SLC35B1: variants seen among roughly 807,000 people sequenced by gnomAD.
SLC35B1 encodes ATP/ADP exchanger ER.
In SLC35B1, 27 loss-of-function variants were observed where a neutral mutation model predicts 36.6. That is an observed-to-expected ratio of 0.74 (90% CI 0.54 to 1.02). The LOEUF (loss-of-function observed/expected upper bound fraction) is 1.02, where lower values mean the gene tolerates loss of function less well. Ranked by LOEUF, SLC35B1 falls within the 50% of genes least tolerant of loss-of-function variation. SLC35B1 has a pLI of 0.00. For synonymous variants in SLC35B1, 162 were observed against 152.5 expected (o/e 1.06, Z -0.46); for missense variants, 321 against 383.2 (o/e 0.84, Z 1.35).
intron 1 of SLC35B1, chr17:49,707,323 G>C (rs1250772069): frequency 1.4e-6 from 2 of 1,443,128 alleles, no homozygotes; most frequent in East Asian, 3.1e-5. Context: ...CATGCAGAAC[G>C]AGATAGTGAA....
chr17:49,705,953 C>T (rs2073410515), intron 3 of SLC35B1, 57 bp from the exon 4 acceptor site: 1 of 1,549,436 alleles, frequency 6.5e-7, no homozygotes, highest in Non-Finnish European at 8.9e-7. Context: ...AGGTACTATG[C>T]TAGGTACCGC....
chr17:49,707,395 T>G (rs753771286), intron 1 of SLC35B1: 5 of 1,432,966 alleles, frequency 3.5e-6, no homozygotes, highest in South Asian at 2.4e-5. Context: ...CGAGGACGAA[T>G]AGGTTGTTTG....
Position 49,705,144 on chromosome 17 carries a change from C to T in SLC35B1, c.508G>A (p.Gly170Ser), listed in dbSNP as rs776417000. 46 of 1,613,980 alleles carry T rather than the reference C, an allele frequency of 2.9e-5. No individual in the cohort carries two copies. Among genetic ancestry groups the T allele is most frequent in the South Asian group, 7.7e-5 (7 of 91,080 alleles). ...KVVGIEEHTV[G>S]YGELLLLLSL... ...CATACCAAGAGTAGCTCTCCATAGCCGACTGTGTGTTCTTCTATCCCAACA... is the reference window on the plus strand; with the variant it reads ...CATACCAAGAGTAGCTCTCCATAGCTGACTGTGTGTTCTTCTATCCCAACA... The change falls in exon 5 of 9, where the codon GGC (glycine) becomes AGC (serine). Residue 170 changes from glycine to serine, a missense_variant. Transcript: ENST00000240333.
At chr17:49,705,823 G>A (rs985053603) in intron 4 of SLC35B1, 43 bp downstream of exon 4, 4 of 1,599,130 alleles carry the variant, frequency 2.5e-6, no homozygotes, top group Non-Finnish European at 3.4e-6. Context: ...GCTTACTATA[G>A]GAAGAGTGAC....
chr17:49,706,162 A>AATGATAT, intron 3 of SLC35B1, 42 bp downstream of exon 3: 1 of 1,560,208 alleles, frequency 6.4e-7, no homozygotes, highest in Non-Finnish European at 8.6e-7. Context: ...GTCCTTTTCA[A>AATGATAT]ATGATATCTG....
chr17:49,705,430 C>T (rs74762389), intron 4 of SLC35B1, 149 bp from the exon 5 acceptor site: 2 of 761,864 alleles, frequency 2.6e-6, no homozygotes, highest in East Asian at 2.7e-5. Flanking sequence ...GGGTGCCAGG[C>T]TGGCACCTAG....
At chr17:49,705,836 C>A in intron 4 of SLC35B1, 30 bp downstream of exon 4, 20 of 1,608,522 alleles carry the variant, frequency 1.2e-5, no homozygotes, top group Non-Finnish European at 1.7e-5. Context: ...AGAGTGACGA[C>A]AGAAGAGGAA....
intron 2 of SLC35B1, 111 bp downstream of exon 2, chr17:49,706,854 G>C: frequency 1.3e-6 from 1 of 754,524 alleles, no homozygotes; most frequent in Non-Finnish European, 2.3e-6. Context: ...AGTACAAAAT[G>C]GGGTGGAGAT....
chr17:49,705,354 G>A (rs1190348798), intron 4 of SLC35B1, 73 bp from the exon 5 acceptor site: 14 of 1,434,536 alleles, frequency 9.8e-6, no homozygotes, highest in Non-Finnish European at 1.3e-5. Context: ...CTCCCTCCCA[G>A]GAACCAAGAA....
At chr17:49,706,873 A>T in intron 2 of SLC35B1, 92 bp downstream of exon 2, 1 of 879,636 alleles carries the variant, frequency 1.1e-6, no homozygotes, top group Non-Finnish European at 1.9e-6. Flanking sequence ...ATCATGAGTT[A>T]GCCTTTAAGG....
chr17:49,701,343 A>C lies in SLC35B1; in HGVS notation c.*115T>G. 1.3e-6 allele frequency: 1 copy of C among 787,896 alleles called. No homozygotes were observed. The highest frequency in any genetic ancestry group is 2.1e-6 in the Non-Finnish European group (1 of 472,992). The allele number at this position is 787,896 out of a possible 1,614,324, so 48.8% of individuals were successfully genotyped here. ...ATGTGATTTTGCTTGATTTTATTTT[A>C]TTAAAAAAGACTGGAACTCAGTCCC... On this transcript the variant is annotated 3_prime_UTR_variant, in exon 9 of 9. Coordinates refer to ENST00000240333, the MANE Select transcript of SLC35B1 (RefSeq NM_005827.4).
At position 49,702,859 on chromosome 17, in the gene SLC35B1, C is replaced by T; in HGVS notation, c.915G>A (p.Leu305=). The T allele has an allele frequency of 1.2e-6, 2 of 1,613,146 alleles. No homozygotes were observed. The highest frequency in any genetic ancestry group is 1.7e-6 in the Non-Finnish European group (2 of 1,179,338). Residue 305 remains leucine (L), a splice_region_variant and synonymous_variant, in exon 8 of 9, where the codon CTG becomes CTA. Transcript: ENST00000240333. ...MQWVGTVLVF[L]GLGLDAKFGK... The stretch of plus-strand genomic sequence containing the variant: ...CTGTGTCTCTGTGTGGCCACTTACC[C>T]AGGAACACAAGCACAGTGCCCACCC...
chr17:49,706,190 C>A lies in SLC35B1; in HGVS notation c.339+14G>T. On this transcript the variant is annotated intron_variant, in intron 3 of 8. Transcript: ENST00000240333. ...GATATCTGAGCCAACCATCATCCCA[C>A]CCTGAGGTTTCACCTGAGTTGGGTA... The A allele has an allele frequency of 6.3e-7, 1 of 1,596,020 alleles. No homozygotes were observed.
intron 6 of SLC35B1, 65 bp from the exon 7 acceptor site, chr17:49,703,359 CA>C: frequency 1.1e-6 from 1 of 879,298 alleles, no homozygotes; most frequent in Non-Finnish European, 1.9e-6. Context: ...CACACACACA[CA>C]CACACACACA....
In SLC35B1 at chr17:49,703,426, G is replaced by A. The variant is rs551022447; in HGVS notation, c.656-132C>T. 688 of 675,146 alleles carry A rather than the reference G, an allele frequency of 1.0e-3. 1 individual carries two copies. The highest frequency in any genetic ancestry group is 1.7e-3 in the Non-Finnish European group (623 of 370,162). 41.8% of individuals were successfully genotyped at this position (675,146 alleles called of 1,614,324 possible). On this transcript the variant is annotated intron_variant, in intron 6 of 8. Transcript: ENST00000240333. The stretch of plus-strand genomic sequence containing the variant: ...AAGAACTGCAAGGGAGGTGGGACGC[G>A]GGAAAGTGTATGGTGTGGGTTTGCA...
chr17:49,707,655 G>A (rs758978311), intron 1 of SLC35B1, 75 bp downstream of exon 1: 25 of 1,532,308 alleles, frequency 1.6e-5, no homozygotes, highest in Non-Finnish European at 2.1e-5. Flanking sequence ...GAAAGCCCGG[G>A]TCCAGAGGCA....
Position 49,707,814 on chromosome 17 carries a change from A to G in SLC35B1, c.20T>C (p.Leu7Pro), listed in dbSNP as rs1013415243. Residue 7 changes from leucine (L) to proline (P), a missense_variant, in exon 1 of 9, where the codon CTG becomes CCG. Physicochemically the swap from Leu to Pro is moderately conservative, Grantham distance 98 (BLOSUM62 -3). Transcript: ENST00000240333. Reference protein sequence around the residue: MASSSSLVPDRLRLPLC... With the variant: MASSSSPVPDRLRLPLC... ...CGGCAGGCGCAGCCGGTCGGGCACC[A>G]GGGAGCTGCTAGAGGCCATGAGACG... The G allele has an allele frequency of 6.2e-6, 10 of 1,611,844 alleles. No homozygotes were observed. The South Asian group carries it at 7.7e-5, about 12-fold the overall frequency.
At chr17:49,703,818 C>T in intron 6 of SLC35B1, 2 of 415,570 alleles carry the variant, frequency 4.8e-6, no homozygotes, top group South Asian at 4.5e-5. Context: ...TCATTTCCCT[C>T]ATGAAAGGGA....
chr17:49,705,844 G>C, intron 4 of SLC35B1, 22 bp downstream of exon 4: 1 of 1,612,594 alleles, frequency 6.2e-7, no homozygotes, highest in Non-Finnish European at 8.5e-7. Context: ...GACAGAAGAG[G>C]AAGACCATCT....
Sources: gnomAD v4.1 joint callset for allele counts on GRCh38, gnomAD v4.1.1 for gene constraint, MANE v1.5 for transcripts, NCBI Gene and HGNC (gene_info 2026-07-23, HGNC 2026-07-21) for gene names.